The following ETV6 variants were observed in gnomAD, a reference collection of about 807,000 sequenced individuals.
ETV6 encodes transcription factor ETV6.
In ETV6, 16 loss-of-function variants were observed where a neutral mutation model predicts 51.1. The observed-to-expected ratio is 0.31, with a 90% CI of 0.21 to 0.48. The LOEUF (loss-of-function observed/expected upper bound fraction) is 0.48, where lower values mean the gene tolerates loss of function less well. ETV6 is among the 20% of genes least tolerant of loss of function. The probability of loss-of-function intolerance (pLI) is 0.99; values close to 1 mark genes in which losing one functional copy is unlikely to be tolerated. For synonymous variants in ETV6, 240 were observed against 224.1 expected (o/e 1.07, Z -0.64); for missense variants, 458 against 594.8 (o/e 0.77, Z 2.39).
chr12:11,698,374 C>T (rs1244269747), intron 1 of ETV6, among the ~76,000 whole-genome samples: 8 of 152,240 alleles, frequency 5.3e-5, no homozygotes, highest in African/African-American at 1.7e-4. Context: ...TTACCTGGGT[C>T]ATCTGCAAAG....
chr12:11,891,600 G>GAAA lies in ETV6; in HGVS notation c.*563_*565dup. The GAAA allele has an allele frequency of 2.2e-6, 1 of 445,868 alleles. No individual in the cohort carries two copies. Among genetic ancestry groups the GAAA allele is most frequent in the East Asian group, 4.8e-5 (1 of 20,798 alleles). 27.6% of individuals were successfully genotyped at this position (445,868 alleles called of 1,614,324 possible). A position where few individuals can be genotyped will look rare whatever the true frequency, so the allele number is the denominator to read the frequency against. ...TTCCTGTTACTGTTGGGTCTTGGCT[G>GAAA]AAAAAAAAAAATGCTTTTAAAAAAG... is the stretch of plus-strand genomic sequence containing the variant. On this transcript the variant is annotated 3_prime_UTR_variant, in exon 8 of 8. Coordinates refer to ENST00000396373, the MANE Select transcript of ETV6 (RefSeq NM_001987.5).
At chr12:11,720,890 C>T (rs1483548161) in intron 1 of ETV6, among the ~76,000 whole-genome samples, 2 of 152,062 alleles carry the variant, frequency 1.3e-5, no homozygotes, top group African/African-American at 2.4e-5. Flanking sequence ...AACAATAACT[C>T]CATTAAAAAA....
intron 4 of ETV6, among the ~76,000 whole-genome samples, chr12:11,858,235 T>A (rs1189472222): frequency 6.6e-6 from 1 of 152,188 alleles, no homozygotes; most frequent in African/African-American, 2.4e-5. Flanking sequence ...AAATAAACAA[T>A]GATATTACTT....
At chr12:11,751,534 C>G (rs1410748225) in intron 1 of ETV6, 1 of 497,424 alleles carries the variant, frequency 2.0e-6, no homozygotes, top group African/African-American at 2.0e-5. Context: ...CCGAACCCAA[C>G]AGTCGGTTTC....
At chr12:11,846,835 G>A (rs569755164) in intron 3 of ETV6, among the ~76,000 whole-genome samples, 14 of 152,188 alleles carry the variant, frequency 9.2e-5, no homozygotes, top group Non-Finnish European at 1.9e-4. Flanking sequence ...TTGAAGACAA[G>A]TAGAAGCCAT....
chr12:11,680,679 A>G (rs1864510301), intron 1 of ETV6, among the ~76,000 whole-genome samples: 1 of 152,186 alleles, frequency 6.6e-6, no homozygotes, highest in South Asian at 2.1e-4. Context: ...TCTGCTTAGA[A>G]ACTAATTAGA....
intron 1 of ETV6, among the ~76,000 whole-genome samples, chr12:11,675,505 G>GT (rs1382141928): frequency 1.3e-5 from 2 of 151,908 alleles, no homozygotes; most frequent in Non-Finnish European, 2.9e-5. Context: ...CAAGGCATAG[G>GT]TTTTTTTTCC....
rs1363693063 is a variant in ETV6, at chr12:11,839,359, G to A, written c.328+55G>A. 1.1e-5 allele frequency: 17 copies of A among 1,560,822 alleles called. No individual in the cohort carries two copies. The East Asian group carries it at 2.3e-4, about 21-fold the overall frequency. On this transcript the variant is annotated intron_variant, in intron 3 of 7. Coordinates refer to ENST00000396373, the MANE Select transcript of ETV6 (RefSeq NM_001987.5). Reference sequence around the variant, plus strand: ...AACTTGGAAAGTCTCTTAGTTAGTGGTTGGTCTTTAACACCCCTCACCCGG... The same window carrying A: ...AACTTGGAAAGTCTCTTAGTTAGTGATTGGTCTTTAACACCCCTCACCCGG...
intron 1 of ETV6, among the ~76,000 whole-genome samples, chr12:11,653,308 G>T (rs981558170): frequency 6.6e-6 from 1 of 152,202 alleles, no homozygotes; most frequent in African/African-American, 2.4e-5. Flanking sequence ...GCGGAAGGTG[G>T]TTGTGGCCTA....
chr12:11,806,489 A>G (rs1945831268), intron 2 of ETV6, among the ~76,000 whole-genome samples: 2 of 152,094 alleles, frequency 1.3e-5, no homozygotes. Flanking sequence ...GGAAGCAGGC[A>G]CCAAGGAAAG....
At chr12:11,701,425 G>C (rs1294367184) in intron 1 of ETV6, among the ~76,000 whole-genome samples, 1 of 152,242 alleles carries the variant, frequency 6.6e-6, no homozygotes, top group East Asian at 1.9e-4. Context: ...ATGTTAAAAG[G>C]TTTATCCATG....
intron 2 of ETV6, among the ~76,000 whole-genome samples, chr12:11,813,378 T>G (rs982205330): frequency 1.3e-5 from 2 of 152,228 alleles, no homozygotes; most frequent in African/African-American, 4.8e-5. Flanking sequence ...CGGGGCTGTC[T>G]GAGCAACCCA....
intron 5 of ETV6, among the ~76,000 whole-genome samples, chr12:11,877,864 G>A (rs775194184): frequency 6.6e-6 from 1 of 152,186 alleles, no homozygotes; most frequent in South Asian, 2.1e-4. Context: ...ACATGTGAAT[G>A]CATGGCACAA....
At chr12:11,726,158 A>G (rs1052667458) in intron 1 of ETV6, among the ~76,000 whole-genome samples, 9 of 152,252 alleles carry the variant, frequency 5.9e-5, no homozygotes, top group Non-Finnish European at 1.2e-4. Flanking sequence ...AATGTACTCA[A>G]GAAATGACCA....
At chr12:11,890,622 G>A (rs1020919163) in intron 7 of ETV6, among the ~76,000 whole-genome samples, 9 of 150,822 alleles carry the variant, frequency 6.0e-5, no homozygotes, top group Non-Finnish European at 1.0e-4. Context: ...GTGGGGTCTC[G>A]CTATGTTGCC....
At chr12:11,871,878 A>G (rs762342106) in intron 5 of ETV6, among the ~76,000 whole-genome samples, 30 of 152,208 alleles carry the variant, frequency 2.0e-4, no homozygotes, top group Non-Finnish European at 4.0e-4. Context: ...AAACTGGGGA[A>G]AAAAAGAATA....
chr12:11,704,707 A>G (rs1366986249), intron 1 of ETV6, among the ~76,000 whole-genome samples: 3 of 152,186 alleles, frequency 2.0e-5, no homozygotes, highest in Non-Finnish European at 4.4e-5. Flanking sequence ...ACAACATGAT[A>G]TTATGGGATA....
chr12:11,732,716 A>G (rs3020926), intron 1 of ETV6, among the ~76,000 whole-genome samples: 2 of 152,080 alleles, frequency 1.3e-5, no homozygotes, highest in Non-Finnish European at 1.5e-5. Flanking sequence ...CTAGAGGACC[A>G]AGAACAACCC....
At chr12:11,698,164 G>A (rs998933919) in intron 1 of ETV6, among the ~76,000 whole-genome samples, 1 of 152,194 alleles carries the variant, frequency 6.6e-6, no homozygotes, top group Non-Finnish European at 1.5e-5. Flanking sequence ...ACAGGTTCCA[G>A]GAAGGCTGAA....
Sources: allele counts gnomAD v4.1 joint callset (sites outside exome capture counted in the v4.1 genomes callset), GRCh38; gene constraint gnomAD v4.1.1; transcripts MANE v1.5; gene names NCBI Gene and HGNC (gene_info 2026-07-23, HGNC 2026-07-21).